PIN4: variants seen among roughly 807,000 people sequenced by gnomAD.
PIN4 encodes peptidylprolyl cis/trans isomerase, NIMA-interacting 4, also known as peptidyl-prolyl cis-trans isomerase NIMA-interacting 4.
Under a neutral mutation model 8.3 loss-of-function variants are expected in PIN4, and 3 were observed. That is an observed-to-expected ratio of 0.36 (90% CI 0.16 to 0.93). The LOEUF is 0.93. Among genes scored for constraint, PIN4 ranks in the 40% least tolerant of loss-of-function variants. The probability of loss-of-function intolerance (pLI) is 0.44; values close to 1 mark genes in which losing one functional copy is unlikely to be tolerated. For missense variants in PIN4, 75 were observed against 100.6 expected (o/e 0.75, Z 1.09); for synonymous variants, 18 against 32.5 (o/e 0.55, Z 1.52).
Position 72,191,690 on chromosome X carries a change from T to C in PIN4, c.118-5095T>C, listed in dbSNP as rs934669967. Among the ~76,000 whole-genome samples the C allele has an allele frequency of 1.1e-4, 12 of 112,189 alleles. 1 individual carries two copies. Among genetic ancestry groups the C allele is most frequent in the African/African-American group, 3.9e-4 (12 of 30,775 alleles). ...AAGTACTCATCAACTTTTAAATGTT[T>C]TTATTATTTTAACAAGAAAGTGGAA... On this transcript the variant is annotated intron_variant, in intron 2 of 3. Transcript: ENST00000373669.
At chrX:72,259,581 C>T (rs375732585) in intron 3 of PIN4, among the ~76,000 whole-genome samples, 1 of 110,193 alleles carries the variant, frequency 9.1e-6, no homozygotes, top group South Asian at 3.9e-4. Flanking sequence ...CACAACAAAA[C>T]CTATGAAGTT....
intron 1 of PIN4, among the ~76,000 whole-genome samples, chrX:72,185,147 C>A (rs867751751): frequency 2.1e-3 from 50 of 24,361 alleles, no homozygotes; most frequent in South Asian, 9.1e-3. Flanking sequence ...GACTCCGTCT[C>A]AAAAAAAAAA....
intron 3 of PIN4, among the ~76,000 whole-genome samples, chrX:72,228,639 A>C: frequency 9.0e-6 from 1 of 110,798 alleles, no homozygotes. Context: ...CCCTTACGAA[A>C]CTCCCATTAT....
At chrX:72,223,188 A>T (rs1325180632) in intron 3 of PIN4, among the ~76,000 whole-genome samples, 1 of 100,998 alleles carries the variant, frequency 9.9e-6, no homozygotes, top group African/African-American at 3.6e-5. Flanking sequence ...TACAAAAAAA[A>T]AATTAGCCGG....
At chrX:72,218,086 C>T (rs989617321) in intron 3 of PIN4, among the ~76,000 whole-genome samples, 11 of 110,102 alleles carry the variant, frequency 1.0e-4, no homozygotes, top group Non-Finnish European at 1.5e-4. Flanking sequence ...CTGACTAACA[C>T]GGTGAAACCC....
chrX:72,252,774 T>C (rs2043093162), intron 3 of PIN4, among the ~76,000 whole-genome samples: 1 of 111,712 alleles, frequency 9.0e-6, no homozygotes, highest in East Asian at 2.8e-4. Context: ...AGGCCCCACC[T>C]CCTAATACCA....
chrX:72,230,244 C>T (rs1234110317), intron 3 of PIN4, among the ~76,000 whole-genome samples: 1 of 110,750 alleles, frequency 9.0e-6, no homozygotes, highest in Admixed American at 9.7e-5. Context: ...CTCATCATAT[C>T]CCACAATTCC....
At chrX:72,245,856 A>C (rs1384882070) in intron 3 of PIN4, among the ~76,000 whole-genome samples, 1 of 111,913 alleles carries the variant, frequency 8.9e-6, no homozygotes, top group African/African-American at 3.2e-5. Context: ...TAAGTTTCAC[A>C]GTCTTTGATG....
chrX:72,212,269 CA>C (rs201108348), intron 3 of PIN4, among the ~76,000 whole-genome samples: 2 of 105,917 alleles, frequency 1.9e-5, no homozygotes, highest in Non-Finnish European at 1.9e-5. Context: ...GACCCCATCT[CA>C]AAAAAAATAA....
At chrX:72,186,326 G>T in intron 1 of PIN4, 135 bp from the exon 2 acceptor site, 1 of 526,090 alleles carries the variant, frequency 1.9e-6, no homozygotes. Context: ...GGATACCCTT[G>T]TTGTAAAGTG....
intron 3 of PIN4, among the ~76,000 whole-genome samples, chrX:72,245,740 C>T (rs2043065318): frequency 9.0e-6 from 1 of 111,726 alleles, no homozygotes; most frequent in Admixed American, 9.5e-5. Flanking sequence ...GATGGATAAA[C>T]CCTTCTTGGA....
intron 3 of PIN4, among the ~76,000 whole-genome samples, chrX:72,210,700 C>A (rs1183900710): frequency 9.0e-6 from 1 of 111,512 alleles, no homozygotes; most frequent in Non-Finnish European, 1.9e-5. Context: ...GCCTAGACTT[C>A]TTAGCACCAG....
intron 3 of PIN4, chrX:72,238,796 C>G (rs1415119318): frequency 8.8e-7 from 1 of 1,135,549 alleles, no homozygotes; most frequent in African/African-American, 1.8e-5. Context: ...CCCACCTCCA[C>G]CCTGGGCCAG....
At chrX:72,205,258 T>G in intron 3 of PIN4, 1 of 1,212,011 alleles carries the variant, frequency 8.3e-7, no homozygotes. Flanking sequence ...AGAGGTCTCT[T>G]GAGCTAGAGC....
intron 3 of PIN4, among the ~76,000 whole-genome samples, chrX:72,241,072 G>A (rs1031625444): frequency 9.0e-6 from 1 of 110,853 alleles, no homozygotes; most frequent in African/African-American, 3.3e-5. Context: ...GGGCAGTGGC[G>A]GGAAATGAGG....
chrX:72,238,943 GGGAGTTTGGAGCTT>G (rs1556405332), intron 3 of PIN4: 1 of 1,123,016 alleles, frequency 8.9e-7, no homozygotes, highest in Non-Finnish European at 1.2e-6. Context: ...TTACCCCGGC[GGGAGTTTGGAGCTT>G]GGAGCTTGGA....
chrX:72,197,702 G>T lies in PIN4; in HGVS notation c.*176G>T. The T allele has an allele frequency of 9.9e-7, 1 of 1,012,887 alleles. No individual in the cohort carries two copies. Among genetic ancestry groups the T allele is most frequent in the East Asian group, 3.8e-5 (1 of 26,352 alleles). The allele number at this position is 1,012,887 out of a possible 1,213,427, so 83.5% of individuals were successfully genotyped here. A position where few individuals can be genotyped will look rare whatever the true frequency, so the allele number is the denominator to read the frequency against. ...GGGTTTGTAGGTGTAAGAGAGGGTGGGGCTAAGTGAATGTCAACTGTAGTA... is the reference window on the plus strand; with the variant it reads ...GGGTTTGTAGGTGTAAGAGAGGGTGTGGCTAAGTGAATGTCAACTGTAGTA... On this transcript the variant is annotated 3_prime_UTR_variant, in exon 4 of 4. Coordinates refer to ENST00000373669, the MANE Select transcript of PIN4 (RefSeq NM_006223.4).
At chrX:72,207,672 A>C in intron 3 of PIN4, 1 of 1,209,548 alleles carries the variant, frequency 8.3e-7, no homozygotes, top group Non-Finnish European at 1.1e-6. Flanking sequence ...TAATTAAATC[A>C]TTTTTCCTGG....
chrX:72,201,545 G>T (rs1449058822), downstream of PIN4, among the ~76,000 whole-genome samples: 1 of 112,044 alleles, frequency 8.9e-6, no homozygotes, highest in African/African-American at 3.2e-5. Flanking sequence ...GGAGGCGGAG[G>T]TTGCAGTGAA....
Sources: allele counts gnomAD v4.1 joint callset (sites outside exome capture counted in the v4.1 genomes callset), GRCh38; gene constraint gnomAD v4.1.1; transcripts MANE v1.5; gene names NCBI Gene and HGNC (gene_info 2026-07-23, HGNC 2026-07-21).